Variants in FHAD1 observed in about 807,000 individuals in gnomAD.
FHAD1 encodes forkhead associated phosphopeptide binding domain 1.
A neutral mutation model predicts 191.3 loss-of-function variants in FHAD1; 146 were observed. The observed-to-expected ratio is 0.76, with a 90% CI of 0.67 to 0.88. The LOEUF (loss-of-function observed/expected upper bound fraction) is 0.88, where lower values mean the gene tolerates loss of function less well. FHAD1 is among the 40% of genes least tolerant of loss of function. The pLI is 0.00. For synonymous variants in FHAD1, 616 were observed against 672.3 expected (o/e 0.92, Z 1.29); for missense variants, 1,635 against 1,785.8 (o/e 0.92, Z 1.52).
intron 28 of FHAD1, among the ~76,000 whole-genome samples, chr1:15,377,518 C>T (rs1040968726): frequency 1.3e-4 from 20 of 152,166 alleles, no homozygotes; most frequent in African/African-American, 4.3e-4. Context: ...CTCAATCTTC[C>T]GACACAACAC....
intron 32 of FHAD1, among the ~76,000 whole-genome samples, chr1:15,390,153 C>T (rs908285168): frequency 2.0e-5 from 3 of 152,048 alleles, no homozygotes; most frequent in Non-Finnish European, 2.9e-5. Context: ...CCAGACCAGC[C>T]TGGCCAACAT....
At chr1:15,390,746 G>A (rs571975017) in intron 32 of FHAD1, among the ~76,000 whole-genome samples, 18 of 152,298 alleles carry the variant, frequency 1.2e-4, no homozygotes, top group Non-Finnish European at 2.1e-4. Context: ...TCTGGGTGAC[G>A]ATGACATTCA....
downstream of FHAD1, among the ~76,000 whole-genome samples, chr1:15,398,543 A>C (rs1393409083): frequency 6.6e-6 from 1 of 152,100 alleles, no homozygotes; most frequent in Non-Finnish European, 1.5e-5. Context: ...CCAGGTTTCT[A>C]ATTCCATCTC....
intron 14 of FHAD1, among the ~76,000 whole-genome samples, chr1:15,332,009 T>G (rs986783703): frequency 3.3e-5 from 5 of 152,176 alleles, no homozygotes; most frequent in African/African-American, 1.2e-4. Flanking sequence ...TGCATCAATT[T>G]TATATTCTTT....
chr1:15,343,525 C>T (rs1195238412), intron 16 of FHAD1, among the ~76,000 whole-genome samples: 2 of 152,196 alleles, frequency 1.3e-5, no homozygotes, highest in East Asian at 1.9e-4. Context: ...CATCTCCATC[C>T]TCACATGTGT....
intron 3 of FHAD1, among the ~76,000 whole-genome samples, chr1:15,280,276 A>G (rs1006974029): frequency 6.6e-6 from 1 of 152,168 alleles, no homozygotes; most frequent in South Asian, 2.1e-4. Context: ...GTCATCTCCC[A>G]TCCCGATCGT....
In FHAD1 at chr1:15,289,633, G is replaced by C; in HGVS notation, c.535G>C (p.Asp179His). The change falls in exon 4 of 34, where the codon GAC becomes CAC. Residue 179 changes from aspartate to histidine, a missense_variant. Asp to His is a moderately conservative substitution (Grantham distance 81, BLOSUM62 -1). Transcript: ENST00000688493. This position sits in a 1 kb window ranked among gnomAD's most constrained non-coding sequence, Gnocchi z 4.2. ...ANKEMFSFVV[D>H]DARKPPVIKQ... is the part of the protein sequence containing the mutation. ...CAAGGAGATGTTCTCGTTCGTGGTG[G>C]ACGACGCCCGCAAGCCACCCGTCAT... 1 of 1,550,704 alleles carries C rather than the reference G, an allele frequency of 6.4e-7. No homozygotes were observed. Among genetic ancestry groups the C allele is most frequent in the Non-Finnish European group, 8.7e-7 (1 of 1,146,124 alleles).
intron 33 of FHAD1, among the ~76,000 whole-genome samples, chr1:15,396,468 G>T (rs1008165860): frequency 6.6e-6 from 1 of 152,080 alleles, no homozygotes; most frequent in Non-Finnish European, 1.5e-5. Flanking sequence ...ATCTGTGTGT[G>T]TATATATATA....
At chr1:15,366,284 CAAAAAAAAAAAAA>C (rs35252287) in intron 24 of FHAD1, among the ~76,000 whole-genome samples, 2 of 44,466 alleles carry the variant, frequency 4.5e-5, no homozygotes, top group African/African-American at 1.9e-4. Context: ...GACTCTGTCT[CAAAAAAAAAAAAA>C]AAAAAAAAAA....
intron 33 of FHAD1, among the ~76,000 whole-genome samples, chr1:15,393,418 A>ACG (rs1553127036): frequency 7.8e-6 from 1 of 128,346 alleles, no homozygotes; most frequent in African/African-American, 3.9e-5. Context: ...AGATGTGGAC[A>ACG]CACACACACA....
intron 26 of FHAD1, among the ~76,000 whole-genome samples, chr1:15,371,815 C>T (rs527450020): frequency 1.3e-5 from 2 of 152,314 alleles, no homozygotes; most frequent in East Asian, 1.9e-4. Flanking sequence ...CAAGCGAGGC[C>T]GTACTAAGCG....
intron 9 of FHAD1, 27 bp from the exon 10 acceptor site, chr1:15,317,797 G>A (rs1674967113): frequency 6.6e-7 from 1 of 1,508,982 alleles, no homozygotes. Flanking sequence ...CCATCAGGGA[G>A]GTTCACTCTT....
At chr1:15,369,233 A>G in intron 25 of FHAD1, 137 bp from the exon 26 acceptor site, 2 of 1,090,784 alleles carry the variant, frequency 1.8e-6, no homozygotes, top group Non-Finnish European at 2.6e-6. Flanking sequence ...TTCTCTAGAA[A>G]TATGGGAACA....
rs749530484 is a variant in FHAD1 at position 15,381,196 on chromosome 1, G to T, written c.3802-35G>T. ...TTAAAGCGGCCACCAGCGGCCGCGG[G>T]TAATGCCTCTTATGCGCGAACGTTT... On this transcript the variant is annotated intron_variant, in intron 29 of 33. Coordinates refer to ENST00000688493, the MANE Select transcript of FHAD1 (RefSeq NM_001391957.1). The surrounding 1 kb of genome is among the most constrained non-coding windows in gnomAD (Gnocchi z 4.6). The T allele has an allele frequency of 1.9e-5, 28 of 1,471,986 alleles. No individual in the cohort carries two copies. The Middle Eastern group carries it at 5.2e-4, about 27-fold the overall frequency. The allele number at this position is 1,471,986 out of a possible 1,614,324, so 91.2% of individuals were successfully genotyped here.
chr1:15,359,190 A>G (rs1178888959), intron 21 of FHAD1, among the ~76,000 whole-genome samples: 1 of 152,096 alleles, frequency 6.6e-6, no homozygotes, highest in East Asian at 1.9e-4. Flanking sequence ...AGACAAGAGG[A>G]GTAAGGCGAG....
At chr1:15,282,301 G>T (rs576391) in intron 3 of FHAD1, among the ~76,000 whole-genome samples, 44,410 of 152,010 alleles carry the variant, frequency 0.29, 6,795 homozygotes, top group Middle Eastern at 0.34. Context: ...AAGTATGCAG[G>T]TATAGTATAA....
chr1:15,246,626 A>G (rs1557900571), upstream of FHAD1, among the ~76,000 whole-genome samples: 1 of 152,174 alleles, frequency 6.6e-6, no homozygotes, highest in Non-Finnish European at 1.5e-5. Context: ...GACTCAAAAG[A>G]TGTTTGCAGA....
At chr1:15,288,713 A>G in intron 3 of FHAD1, among the ~76,000 whole-genome samples, 1 of 152,230 alleles carries the variant, frequency 6.6e-6, no homozygotes, top group Middle Eastern at 3.2e-3. Flanking sequence ...CTTAGAGGGG[A>G]CATTCTCCTG....
At position 15,305,760 on chromosome 1, in the gene FHAD1, T is replaced by G. The variant is rs757393605; in HGVS notation, c.916-2853T>G. On this transcript the variant is annotated intron_variant, in intron 6 of 33. Coordinates refer to ENST00000688493, the MANE Select transcript of FHAD1 (RefSeq NM_001391957.1). ...TCCGCATTTTCTCTTGCCGCCGCCA[T>G]GTAAGAAGTGCTTTTCGCCTCCCAC... 39 of 448,966 alleles carry G rather than the reference T, an allele frequency of 8.7e-5. 1 individual carries two copies. Among genetic ancestry groups the G allele is most frequent in the South Asian group, 4.9e-4 (31 of 63,734 alleles). The allele number at this position is 448,966 out of a possible 1,614,324, so 27.8% of individuals were successfully genotyped here.
Sources: allele counts gnomAD v4.1 joint callset (sites outside exome capture counted in the v4.1 genomes callset), GRCh38; gene constraint gnomAD v4.1.1; non-coding constraint Gnocchi (gnomAD v3.1); transcripts MANE v1.5; gene names NCBI Gene and HGNC (gene_info 2026-07-23, HGNC 2026-07-21).